LEKR1: variants seen among roughly 807,000 people sequenced by gnomAD.
LEKR1 encodes protein LEKR1.
LEKR1 carries 59 observed loss-of-function variants against 72.4 expected under a neutral mutation model. The ratio of observed to expected loss-of-function variants is 0.82; its 90% CI spans 0.66 to 1.01. The LOEUF is 1.01. LEKR1 is among the 50% of genes least tolerant of loss of function. LEKR1 has a pLI of 0.00. For synonymous variants in LEKR1, 257 were observed against 263.2 expected, an observed-to-expected ratio of 0.98 and a Z score of 0.23; for missense variants, 728 against 759.2, an observed-to-expected ratio of 0.96 and a Z score of 0.48.
chr3:156,856,274 G>A (rs764458152), intron 3 of LEKR1, among the ~76,000 whole-genome samples: 65 of 151,944 alleles, frequency 4.3e-4, no homozygotes, highest in Middle Eastern at 6.3e-3. Flanking sequence ...TTTTCTTCTA[G>A]CGTATTTCTG....
At chr3:156,925,408 T>G (rs1724625063) in intron 4 of LEKR1, among the ~76,000 whole-genome samples, 1 of 151,884 alleles carries the variant, frequency 6.6e-6, no homozygotes, top group African/African-American at 2.4e-5. Flanking sequence ...TCTACTCATT[T>G]AGTTGTATTT....
intron 10 of LEKR1, among the ~76,000 whole-genome samples, chr3:157,019,688 C>T (rs1733656774): frequency 6.6e-6 from 1 of 152,106 alleles, no homozygotes; most frequent in Non-Finnish European, 1.5e-5. Flanking sequence ...TCAAACATAA[C>T]TCCTGTCATC....
intron 3 of LEKR1, among the ~76,000 whole-genome samples, chr3:156,880,616 T>C (rs1261095257): frequency 6.6e-6 from 1 of 152,106 alleles, no homozygotes; most frequent in East Asian, 1.9e-4. Flanking sequence ...TTCCAATCAA[T>C]AGAAAAAGAG....
At chr3:156,948,278 T>C (rs1478144745) in intron 6 of LEKR1, among the ~76,000 whole-genome samples, 1 of 151,190 alleles carries the variant, frequency 6.6e-6, no homozygotes, top group Non-Finnish European at 1.5e-5. Flanking sequence ...CTACCATAAA[T>C]AGACTATTTT....
intron 12 of LEKR1, among the ~76,000 whole-genome samples, chr3:157,044,122 T>A (rs1735571125): frequency 6.6e-6 from 1 of 152,244 alleles, no homozygotes; most frequent in African/African-American, 2.4e-5. Context: ...TTAGGGAGGA[T>A]GTTTTACACT....
chr3:156,928,430 C>T (rs1158558996), intron 5 of LEKR1, among the ~76,000 whole-genome samples: 1 of 151,924 alleles, frequency 6.6e-6, no homozygotes, highest in East Asian at 1.9e-4. Flanking sequence ...CTCAATTTTC[C>T]TGTGAACCTA....
rs143213269 is a variant in LEKR1, at chr3:156,852,945, G to T, written c.226G>T (p.Glu76Ter). ...EKLHSLSQELEQYKIDNKSKT... is the reference protein window; with the variant it reads ...EKLHSLSQEL ...GCTGCATTCTCTTAGCCAAGAACTT[G>T]AACAGTACAAAATTGACAACAAATC... The change falls in exon 3 of 13, where the codon GAA becomes TAA. Residue 76 changes from glutamate to a stop codon, truncating the protein, a stop_gained. Coordinates refer to ENST00000356539, the MANE Select transcript of LEKR1 (RefSeq NM_001004316.3). LOFTEE classifies it high-confidence loss of function. 93 of 1,535,848 alleles carry T rather than the reference G, an allele frequency of 6.1e-5. No homozygotes were observed. The African/African-American group carries it at 1.1e-3, about 19-fold the overall frequency.
In LEKR1 at chr3:156,891,261, A is replaced by G. The variant is rs553310831; in HGVS notation, c.264-29314A>G. Among the ~76,000 whole-genome samples, 3 of 152,308 alleles carry G rather than the reference A, an allele frequency of 2.0e-5. No individual in the cohort carries two copies. The South Asian group carries it at 6.2e-4, about 32-fold the overall frequency. The stretch of plus-strand genomic sequence containing the variant: ...TTTGTTTATACTGTTACATTTCAGA[A>G]GAATTTAATTCTGGAAAATACAACC... On this transcript the variant is annotated intron_variant, in intron 3 of 12. Coordinates refer to ENST00000356539, the MANE Select transcript of LEKR1 (RefSeq NM_001004316.3).
chr3:156,839,473 G>A (rs533813541), intron 2 of LEKR1, among the ~76,000 whole-genome samples: 4 of 152,314 alleles, frequency 2.6e-5, no homozygotes, highest in African/African-American at 9.6e-5. Flanking sequence ...CTGTCCAGAC[G>A]TTGTGCATGA....
chr3:156,861,636 G>T (rs1203427530), intron 3 of LEKR1, among the ~76,000 whole-genome samples: 1 of 152,076 alleles, frequency 6.6e-6, no homozygotes, highest in East Asian at 1.9e-4. Flanking sequence ...GAGTACCATT[G>T]TGGAAAAACA....
At chr3:156,858,615 A>G (rs1716373285) in intron 3 of LEKR1, among the ~76,000 whole-genome samples, 1 of 151,654 alleles carries the variant, frequency 6.6e-6, no homozygotes, top group South Asian at 2.1e-4. Flanking sequence ...TGGAGGCTGC[A>G]GTGAGCCGAG....
At chr3:156,875,302 TA>T (rs1452226877) in intron 3 of LEKR1, among the ~76,000 whole-genome samples, 1 of 152,202 alleles carries the variant, frequency 6.6e-6, no homozygotes, top group Non-Finnish European at 1.5e-5. Flanking sequence ...TTTTTATGTT[TA>T]TTGGCTATTT....
At chr3:156,951,127 G>T (rs557742910) in intron 6 of LEKR1, among the ~76,000 whole-genome samples, 1 of 151,584 alleles carries the variant, frequency 6.6e-6, no homozygotes, top group African/African-American at 2.4e-5. Context: ...TAATCATGTG[G>T]TTTTTTTCTT....
intron 5 of LEKR1, among the ~76,000 whole-genome samples, chr3:156,940,559 T>C (rs1362679822): frequency 6.6e-6 from 1 of 152,180 alleles, no homozygotes; most frequent in Non-Finnish European, 1.5e-5. Flanking sequence ...AAGGGTAGAA[T>C]TGAATCTTTG....
intron 5 of LEKR1, among the ~76,000 whole-genome samples, chr3:156,934,722 C>T (rs1166370079): frequency 6.6e-6 from 1 of 151,952 alleles, no homozygotes; most frequent in Non-Finnish European, 1.5e-5. Context: ...GAAACATTGA[C>T]ATAAGTCATC....
chr3:156,962,398 T>G (rs1728205323), intron 6 of LEKR1, among the ~76,000 whole-genome samples: 1 of 152,238 alleles, frequency 6.6e-6, no homozygotes, highest in Non-Finnish European at 1.5e-5. Context: ...AGCTTGATAA[T>G]GAACCACTGT....
chr3:157,034,269 C>G (rs1468148943), intron 12 of LEKR1, among the ~76,000 whole-genome samples: 1 of 152,024 alleles, frequency 6.6e-6, no homozygotes. Flanking sequence ...TTATTGATTC[C>G]TCTGATGGAT....
chr3:156,974,697 G>A (rs1049171097), intron 6 of LEKR1, among the ~76,000 whole-genome samples: 20 of 151,884 alleles, frequency 1.3e-4, no homozygotes, highest in South Asian at 6.2e-4. Context: ...TCCTTGACCC[G>A]TGCCAGCAAC....
At chr3:156,957,971 A>G (rs1727799411) in intron 6 of LEKR1, among the ~76,000 whole-genome samples, 2 of 152,116 alleles carry the variant, frequency 1.3e-5, no homozygotes, top group Admixed American at 6.6e-5. Context: ...ATAGATTCAC[A>G]CCATGGATAA....
Sources: gnomAD v4.1 joint callset for allele counts (sites outside exome capture counted in the v4.1 genomes callset) on GRCh38, gnomAD v4.1.1 for gene constraint, MANE v1.5 for transcripts, NCBI Gene and HGNC (gene_info 2026-07-23, HGNC 2026-07-21) for gene names.